Variants in DLG5 observed in about 807,000 individuals in gnomAD.
The protein encoded by DLG5 is discs large MAGUK scaffold protein 5.
DLG5 carries 48 observed loss-of-function variants against 189.8 expected under a neutral mutation model. The observed-to-expected ratio is 0.25, with a 90% CI of 0.20 to 0.32. The LOEUF (loss-of-function observed/expected upper bound fraction) is 0.32, where lower values mean the gene tolerates loss of function less well. Among genes scored for constraint, DLG5 ranks in the 10% least tolerant of loss-of-function variants. The pLI, the probability that DLG5 is intolerant of heterozygous loss-of-function variation, is 1.00. For synonymous variants in DLG5, 1,016 were observed against 1,054.1 expected, an observed-to-expected ratio of 0.96 and a Z score of 0.70; for missense variants, 2,160 against 2,544.7, an observed-to-expected ratio of 0.85 and a Z score of 3.25.
At chr10:77,901,943 C>T (rs1845940054) in intron 1 of DLG5, among the ~76,000 whole-genome samples, 1 of 152,200 alleles carries the variant, frequency 6.6e-6, no homozygotes, top group Non-Finnish European at 1.5e-5. Flanking sequence ...AATACTCACT[C>T]GTATGCTGGT....
rs778175255 is a variant in DLG5, at chr10:77,829,589, C to T, written c.2010-59G>A. ...CAGGCTGTGGGACCAGCGGCTACCG[C>T]CCACAACTCTCACTCAGGGGGCTGA... On this transcript the variant is annotated intron_variant, in intron 11 of 31. Transcript: ENST00000372391. The T allele has an allele frequency of 5.2e-6, 8 of 1,528,722 alleles. No homozygotes were observed. The Admixed American group carries it at 8.1e-5, about 15-fold the overall frequency. 94.7% of individuals were successfully genotyped at this position (1,528,722 alleles called of 1,614,324 possible). A position where few individuals can be genotyped will look rare whatever the true frequency, so the allele number is the denominator to read the frequency against.
chr10:77,872,023 T>C (rs1006188051), intron 1 of DLG5, among the ~76,000 whole-genome samples: 46 of 152,358 alleles, frequency 3.0e-4, no homozygotes, highest in East Asian at 3.9e-4. Context: ...TAGTATTTTT[T>C]CTTTATGGGG....
intron 1 of DLG5, among the ~76,000 whole-genome samples, chr10:77,897,719 G>A (rs555633534): frequency 4.0e-5 from 6 of 151,092 alleles, no homozygotes; most frequent in African/African-American, 1.5e-4. Flanking sequence ...GAAGGGGAAA[G>A]GGGGAGATAG....
At chr10:77,870,099 CAT>C (rs1284719710) in intron 1 of DLG5, among the ~76,000 whole-genome samples, 1 of 150,924 alleles carries the variant, frequency 6.6e-6, no homozygotes, top group African/African-American at 2.4e-5. Context: ...CTATGGATGA[CAT>C]AAAATTAAAA....
intron 5 of DLG5, among the ~76,000 whole-genome samples, chr10:77,848,380 GA>G (rs1383867993): frequency 6.6e-6 from 1 of 152,116 alleles, no homozygotes; most frequent in East Asian, 1.9e-4. Flanking sequence ...ATATTTTAAA[GA>G]CAGGGGAAAG....
intron 2 of DLG5, 22 bp from the exon 3 acceptor site, chr10:77,856,914 G>A (rs1270145101): frequency 1.9e-6 from 3 of 1,600,660 alleles, no homozygotes; most frequent in Non-Finnish European, 2.6e-6. Flanking sequence ...GAATAATAAA[G>A]TGAACTTGTG....
chr10:77,900,132 G>A (rs1845880902), intron 1 of DLG5, among the ~76,000 whole-genome samples: 1 of 152,076 alleles, frequency 6.6e-6, no homozygotes, highest in African/African-American at 2.4e-5. Context: ...CATCTTACAG[G>A]TGAGGAAGCT....
At chr10:77,907,969 C>T (rs1846112329) in intron 1 of DLG5, among the ~76,000 whole-genome samples, 1 of 152,128 alleles carries the variant, frequency 6.6e-6, no homozygotes, top group African/African-American at 2.4e-5. Context: ...ACACCTACCA[C>T]CTACACAGCA....
Position 77,796,264 on chromosome 10 carries a change from C to T in DLG5, c.5309-76G>A. On this transcript the variant is annotated intron_variant, in intron 28 of 31. Coordinates refer to ENST00000372391, the MANE Select transcript of DLG5 (RefSeq NM_004747.4). The surrounding 1 kb of genome is among the most constrained non-coding windows in gnomAD (Gnocchi z 5.2). ...CAGCAGAGGGAGCAGGGGAAGAACA[C>T]TGCTCAGCAGCTGTCAGTAACCCAG... 6.2e-7 allele frequency: 1 copy of T among 1,609,420 alleles called. No individual in the cohort carries two copies. The highest frequency in any genetic ancestry group is 1.1e-5 in the South Asian group (1 of 90,842).
intron 7 of DLG5, among the ~76,000 whole-genome samples, chr10:77,841,367 T>C (rs928127134): frequency 3.9e-5 from 6 of 152,094 alleles, no homozygotes; most frequent in African/African-American, 1.4e-4. Context: ...AGGAGAAGAA[T>C]GTTGGGCTCA....
intron 1 of DLG5, among the ~76,000 whole-genome samples, chr10:77,911,348 TG>T (rs1476652611): frequency 2.0e-5 from 3 of 152,200 alleles, no homozygotes; most frequent in African/African-American, 7.2e-5. Flanking sequence ...CTCGAACTCC[TG>T]GGCTCAAGCA....
intron 2 of DLG5, among the ~76,000 whole-genome samples, chr10:77,861,943 T>C (rs762960497): frequency 6.6e-6 from 1 of 152,212 alleles, no homozygotes; most frequent in Non-Finnish European, 1.5e-5. Context: ...GTGCAGCCGA[T>C]GCCTCCGGCC....
At chr10:77,820,134 TCAGGAGTTCAA>T (rs1842268210) in intron 15 of DLG5, 116 bp from the exon 16 acceptor site, 2 of 1,433,012 alleles carry the variant, frequency 1.4e-6, no homozygotes, top group African/African-American at 2.9e-5. Context: ...TCACCTAAGG[TCAGGAGTTCAA>T]GACCACCCTG....
chr10:77,809,404 TCAACAA>T, intron 24 of DLG5, 137 bp downstream of exon 24: 1 of 915,046 alleles, frequency 1.1e-6, no homozygotes, highest in Non-Finnish European at 1.6e-6. Context: ...AGACTCTGCC[TCAACAA>T]CAACAACAAA....
chr10:77,848,806 A>G (rs961002486), intron 5 of DLG5, among the ~76,000 whole-genome samples: 1 of 152,192 alleles, frequency 6.6e-6, no homozygotes, highest in Non-Finnish European at 1.5e-5. Context: ...ATCCATCCCA[A>G]TGGTTTACAC....
the DLG5 span, among the ~76,000 whole-genome samples, chr10:77,940,313 G>A: frequency 5.4e-3 from 820 of 152,330 alleles, 4 homozygotes; most frequent in Non-Finnish European, 9.5e-3. Flanking sequence ...ACAAAGGCAA[G>A]TGATGGTAGC....
chr10:77,938,261 T>C, the DLG5 span, among the ~76,000 whole-genome samples: 9 of 152,034 alleles, frequency 5.9e-5, no homozygotes, highest in South Asian at 2.1e-4. Flanking sequence ...CTGGGCAACA[T>C]AGGGAGACCC....
chr10:77,938,247 C>A, the DLG5 span, among the ~76,000 whole-genome samples: 1 of 151,948 alleles, frequency 6.6e-6, no homozygotes, highest in Non-Finnish European at 1.5e-5. Flanking sequence ...AGTTTGAGAC[C>A]AGCCTGGGCA....
intron 3 of DLG5, among the ~76,000 whole-genome samples, chr10:77,854,965 G>C (rs772278239): frequency 2.0e-5 from 3 of 151,862 alleles, no homozygotes; most frequent in Non-Finnish European, 2.9e-5. Flanking sequence ...CTCCAGCCTG[G>C]GCAACAGAGA....
Sources: allele counts gnomAD v4.1 joint callset (sites outside exome capture counted in the v4.1 genomes callset), GRCh38; gene constraint gnomAD v4.1.1; non-coding constraint Gnocchi (gnomAD v3.1); transcripts MANE v1.5; gene names NCBI Gene and HGNC (gene_info 2026-07-23, HGNC 2026-07-21).